The following DMD variants were observed in gnomAD, a reference collection of about 807,000 sequenced individuals.
The protein encoded by DMD is mutant dystrophin.
DMD carries 63 observed loss-of-function variants against 330.1 expected under a neutral mutation model. The observed-to-expected ratio is 0.19, with a 90% CI of 0.16 to 0.24. The LOEUF (loss-of-function observed/expected upper bound fraction) is 0.24. DMD is among the 10% of genes least tolerant of loss of function. The probability of loss-of-function intolerance (pLI) is 1.00; values close to 1 mark genes in which losing one functional copy is unlikely to be tolerated. For synonymous variants in DMD, 1,223 were observed against 959.8 expected (o/e 1.27, Z -5.07); for missense variants, 3,344 against 2,684.1 (o/e 1.25, Z -5.43).
At chrX:32,978,284 AC>A (rs1285102753) in intron 2 of DMD, among the ~76,000 whole-genome samples, 1 of 111,243 alleles carries the variant, frequency 9.0e-6, no homozygotes, top group Non-Finnish European at 1.9e-5. Context: ...TATATACCTC[AC>A]CCTTTGCTAT....
chrX:32,491,610 TCAC>T (rs1417076905), intron 19 of DMD, 92 bp from the exon 20 acceptor site: 2 of 857,114 alleles, frequency 2.3e-6, no homozygotes, highest in Non-Finnish European at 3.3e-6. Flanking sequence ...ATAAAAGTAT[TCAC>T]CACATGAATG....
At position 32,554,941 on chromosome X, in the gene DMD, G is replaced by GAAAGAA. The variant is rs796623069; in HGVS notation, c.1993-9608_1993-9607insTTCTTT. 5.3e-3 allele frequency among the ~76,000 whole-genome samples: 157 copies of GAAAGAA among 29,864 alleles called. 2 individuals are homozygous for GAAAGAA. Among genetic ancestry groups the GAAAGAA allele is most frequent in the Non-Finnish European group, 6.9e-3 (139 of 20,070 alleles). The allele number at this position is 29,864 out of a possible 115,157, so 25.9% of individuals were successfully genotyped here. ...AGAAAGAAAGAAAGAAAGAAAGAAA[G>GAAAGAA]AGAGAGAGAGGGAGAGAGAAAGAAA... On this transcript the variant is annotated intron_variant, in intron 16 of 78. Transcript: ENST00000357033.
chrX:32,300,279 T>A (rs2097517344), intron 42 of DMD, among the ~76,000 whole-genome samples: 1 of 111,935 alleles, frequency 8.9e-6, no homozygotes, highest in Non-Finnish European at 1.9e-5. Flanking sequence ...GCTATTCAGG[T>A]AATTCCTTGT....
At chrX:31,876,421 C>T (rs992096294) in intron 47 of DMD, among the ~76,000 whole-genome samples, 1 of 112,066 alleles carries the variant, frequency 8.9e-6, no homozygotes, top group African/African-American at 3.2e-5. Context: ...AATGATAGCA[C>T]CTGCTTCATA....
At chrX:31,610,159 A>G (rs1055979460) in intron 55 of DMD, among the ~76,000 whole-genome samples, 1 of 110,321 alleles carries the variant, frequency 9.1e-6, no homozygotes, top group African/African-American at 3.3e-5. Context: ...TCTAAAATCA[A>G]CTAATTATTT....
intron 62 of DMD, among the ~76,000 whole-genome samples, chrX:31,272,570 T>C (rs1317429520): frequency 8.9e-6 from 1 of 112,657 alleles, no homozygotes; most frequent in Non-Finnish European, 1.9e-5. Context: ...TAAGGCTTTG[T>C]ATTCGATTAG....
intron 1 of DMD, among the ~76,000 whole-genome samples, chrX:33,096,178 G>A (rs372313591): frequency 4.6e-5 from 5 of 109,635 alleles, no homozygotes; most frequent in African/African-American, 1.7e-4. Context: ...GTTTCACCAT[G>A]TTAGCCAGGA....
Position 33,160,234 on chromosome X carries a change from T to C in DMD, c.31+51048A>G, listed in dbSNP as rs147998627. 9.7e-4 allele frequency among the ~76,000 whole-genome samples: 109 copies of C among 112,170 alleles called. No individual in the cohort carries two copies. The East Asian group carries it at 0.027, about 28-fold the overall frequency. On this transcript the variant is annotated intron_variant, in intron 1 of 78. Transcript: ENST00000357033. ...GTATATTAAATGCATTTTCCACTTA[T>C]AATATTTTCAAATTATGGTGGGTTT...
intron 43 of DMD, among the ~76,000 whole-genome samples, chrX:32,260,893 T>C (rs1662602415): frequency 1.1e-5 from 1 of 93,142 alleles, no homozygotes; most frequent in African/African-American, 3.4e-5. Context: ...AATAAGTACA[T>C]TTTGCTGTAG....
intron 2 of DMD, among the ~76,000 whole-genome samples, chrX:32,881,051 A>G (rs952995414): frequency 1.2e-4 from 14 of 113,086 alleles, no homozygotes; most frequent in African/African-American, 4.5e-4. Flanking sequence ...TGAGTTATTT[A>G]TGAATACAAA....
At chrX:33,192,031 T>C (rs901065564) in intron 1 of DMD, among the ~76,000 whole-genome samples, 6 of 111,955 alleles carry the variant, frequency 5.4e-5, no homozygotes, top group African/African-American at 1.9e-4. Flanking sequence ...AAGAATTGCA[T>C]GCAGTTAAAG....
At chrX:31,332,793 A>T (rs1341492279) in intron 61 of DMD, among the ~76,000 whole-genome samples, 1 of 112,072 alleles carries the variant, frequency 8.9e-6, no homozygotes, top group Non-Finnish European at 1.9e-5. Context: ...CTCTGTGTTA[A>T]GAGCACAGAG....
intron 63 of DMD, among the ~76,000 whole-genome samples, chrX:31,241,363 C>G (rs965226122): frequency 1.8e-5 from 2 of 111,450 alleles, no homozygotes; most frequent in African/African-American, 6.5e-5. Flanking sequence ...ATACAAATAT[C>G]TTTTACAGGG....
In DMD at chrX:32,572,067, T is replaced by C. The variant is rs371445840; in HGVS notation, c.1812+1463A>G. On this transcript the variant is annotated intron_variant, in intron 15 of 78. Coordinates refer to ENST00000357033, the MANE Select transcript of DMD (RefSeq NM_004006.3). Reference sequence around the variant, plus strand: ...TTTTGCACTCGTGTTTTCAAACATATACAGGTTACTTTTCTGAACTCTATT... The same window carrying C: ...TTTTGCACTCGTGTTTTCAAACATACACAGGTTACTTTTCTGAACTCTATT... Among the ~76,000 whole-genome samples, 77 of 112,155 alleles carry C rather than the reference T, an allele frequency of 6.9e-4. 1 individual carries two copies. In the East Asian group the frequency reaches 0.018, roughly 26 times the overall value.
At chrX:32,319,251 A>G (rs1266924485) in intron 41 of DMD, among the ~76,000 whole-genome samples, 1 of 111,030 alleles carries the variant, frequency 9.0e-6, no homozygotes, top group East Asian at 2.8e-4. Context: ...GCAATATATA[A>G]GCACCAACAA....
At chrX:32,965,889 G>A (rs1022473916) in intron 2 of DMD, among the ~76,000 whole-genome samples, 4 of 111,614 alleles carry the variant, frequency 3.6e-5, no homozygotes, top group Non-Finnish European at 7.5e-5. Context: ...AGTGTTTTTA[G>A]ATTTTTATTT....
intron 67 of DMD, among the ~76,000 whole-genome samples, chrX:31,185,684 C>T (rs1408771721): frequency 9.0e-6 from 1 of 111,159 alleles, no homozygotes; most frequent in African/African-American, 3.3e-5. Context: ...CGTAGGTCTG[C>T]TTCTATGGTT....
At chrX:32,503,649 G>A (rs970314387) in intron 18 of DMD, among the ~76,000 whole-genome samples, 9 of 110,864 alleles carry the variant, frequency 8.1e-5, no homozygotes, top group Admixed American at 1.9e-4. Context: ...TCTGCCTCCC[G>A]GGTTCAAGCA....
chrX:32,693,872 A>G (rs1364725857), intron 9 of DMD, among the ~76,000 whole-genome samples: 1 of 111,949 alleles, frequency 8.9e-6, no homozygotes, highest in African/African-American at 3.2e-5. Context: ...TTCTTATTAA[A>G]GGGGATATAA....
Sources: gnomAD v4.1 joint callset for allele counts (sites outside exome capture counted in the v4.1 genomes callset) on GRCh38, gnomAD v4.1.1 for gene constraint, MANE v1.5 for transcripts, NCBI Gene and HGNC (gene_info 2026-07-23, HGNC 2026-07-21) for gene names.